Variants in FXYD5 observed in about 807,000 individuals in gnomAD.
FXYD5 encodes FXYD domain-containing ion transport regulator 5.
In FXYD5, 21 loss-of-function variants were observed where a neutral mutation model predicts 25.7. The ratio of observed to expected loss-of-function variants is 0.82; its 90% CI spans 0.58 to 1.18. The LOEUF (loss-of-function observed/expected upper bound fraction) is 1.18, where lower values mean the gene tolerates loss of function less well. FXYD5 is among the 50% of genes most tolerant of loss of function. FXYD5 has a pLI of 0.00. For synonymous variants in FXYD5, 101 were observed against 90.7 expected, an observed-to-expected ratio of 1.11 and a Z score of -0.64; for missense variants, 229 against 227.7, an observed-to-expected ratio of 1.01 and a Z score of -0.04.
Position 35,166,169 on chromosome 19 carries a change from A to G in FXYD5, c.410A>G (p.Tyr137Cys), listed in dbSNP as rs780511480. 4 of 1,613,758 alleles carry G rather than the reference A, an allele frequency of 2.5e-6. No homozygotes were observed. Among genetic ancestry groups the G allele is most frequent in the Middle Eastern group, 1.7e-4 (1 of 6,036 alleles). Residue 137 changes from tyrosine to cysteine, a missense_variant and splice_region_variant, in exon 7 of 9, where the codon TAT (tyrosine) becomes TGT (cysteine). Tyr to Cys is a radical substitution (Grantham distance 194). Transcript: ENST00000392219. ...SGFHEDDPFF[Y>C]DEHTLRKRGL... is the part of the protein sequence containing the mutation. ...TTTCATGAGGATGACCCCTTCTTCT[A>G]TGGTAAGTTATCCACAGGAAGATGT...
At chr19:35,157,354 C>A in intron 2 of FXYD5, 67 bp from the exon 3 acceptor site, 3 of 798,656 alleles carry the variant, frequency 3.8e-6, no homozygotes, top group Non-Finnish European at 6.6e-6. Flanking sequence ...ACCAGGGAGG[C>A]GAGGGCGGGG....
At chr19:35,156,130 A>G (rs754227447) in intron 2 of FXYD5, among the ~76,000 whole-genome samples, 39 of 152,296 alleles carry the variant, frequency 2.6e-4, no homozygotes, top group Admixed American at 9.1e-4. Flanking sequence ...TGCCTCTGAC[A>G]GTCAGTCACA....
intron 4 of FXYD5, chr19:35,159,973 G>A (rs2065390347): frequency 4.8e-6 from 1 of 206,512 alleles, no homozygotes; most frequent in Non-Finnish European, 9.7e-6. Flanking sequence ...TTTGGAGGCT[G>A]AGGCGGGTGG....
chr19:35,168,104 G>T (rs182299713), intron 8 of FXYD5, among the ~76,000 whole-genome samples: 46 of 152,036 alleles, frequency 3.0e-4, no homozygotes, highest in Non-Finnish European at 5.7e-4. Flanking sequence ...GTGAAGGATT[G>T]GACCCAGGTT....
At chr19:35,168,683 C>T (rs2065471960) in intron 8 of FXYD5, among the ~76,000 whole-genome samples, 1 of 152,156 alleles carries the variant, frequency 6.6e-6, no homozygotes, top group African/African-American at 2.4e-5. Context: ...GTCCTCGTAC[C>T]TCAAGGCCTT....
chr19:35,168,052 C>G (rs1233782728), intron 8 of FXYD5, among the ~76,000 whole-genome samples: 6 of 150,782 alleles, frequency 4.0e-5, no homozygotes, highest in African/African-American at 1.5e-4. Context: ...GACCCTATCT[C>G]TACACAAATA....
At position 35,155,621 on chromosome 19, in the gene FXYD5, A is replaced by C. The variant is rs111726915; in HGVS notation, c.61+10A>C. The C allele has an allele frequency of 1.3e-6, 2 of 1,599,992 alleles. No homozygotes were observed. The highest frequency in any genetic ancestry group is 2.2e-5 in the South Asian group (2 of 90,910). ...ATTCTCCCCACCAGAGGTAAGACCC[A>C]TCTCTGGCCTCCACCCTGCCCCAGA... On this transcript the variant is annotated intron_variant, in intron 2 of 8. Coordinates refer to ENST00000392219, the MANE Select transcript of FXYD5 (RefSeq NM_014164.6).
Position 35,158,403 on chromosome 19 carries a change from G to A in FXYD5, c.199+3G>A, listed in dbSNP as rs752100350. On this transcript the variant is annotated splice_donor_region_variant and intron_variant, in intron 4 of 8. Coordinates refer to ENST00000392219, the MANE Select transcript of FXYD5 (RefSeq NM_014164.6). ...AACCCCAACCTGGCCTGCTGATGGTGAGTAGTGCAGGGGCAGGCGGCGGGG... is the reference window on the plus strand; with the variant it reads ...AACCCCAACCTGGCCTGCTGATGGTAAGTAGTGCAGGGGCAGGCGGCGGGG... 60 of 1,573,762 alleles carry A rather than the reference G, an allele frequency of 3.8e-5. No homozygotes were observed. In the Admixed American group the frequency reaches 9.7e-4, roughly 25 times the overall value.
In FXYD5 at chr19:35,157,435, G is replaced by T. The variant is rs1006495750; in HGVS notation, c.76G>T (p.Asp26Tyr). The change falls in exon 3 of 9, where the codon GAT (aspartate) becomes TAT (tyrosine). Residue 26 changes from aspartate (D) to tyrosine (Y), a missense_variant. Physicochemically the swap from Asp to Tyr is radical, Grantham distance 160 (BLOSUM62 -3). Coordinates refer to ENST00000392219, the MANE Select transcript of FXYD5 (RefSeq NM_014164.6). ...TGATTCCCCAGGACAGACGTTGAAAGATACCACGTCCAGTTCTTCAGCAGA... is the reference window on the plus strand; with the variant it reads ...TGATTCCCCAGGACAGACGTTGAAATATACCACGTCCAGTTCTTCAGCAGA... ...ILPTRGQTLK[D>Y]TTSSSSADST... The T allele has an allele frequency of 1.3e-6, 2 of 1,587,248 alleles. No homozygotes were observed. Among genetic ancestry groups the T allele is most frequent in the Non-Finnish European group, 1.7e-6 (2 of 1,155,912 alleles).
intron 2 of FXYD5, chr19:35,157,112 G>T (rs940743819): frequency 8.3e-6 from 2 of 241,206 alleles, no homozygotes; most frequent in African/African-American, 4.6e-5. Context: ...CTTGTTCCAG[G>T]TCACACAGCA....
intron 5 of FXYD5, among the ~76,000 whole-genome samples, chr19:35,163,529 T>A (rs1760023601): frequency 6.6e-6 from 1 of 152,132 alleles, no homozygotes; most frequent in South Asian, 2.1e-4. Flanking sequence ...TTGCCCAGAC[T>A]GGAGTGCAGT....
In FXYD5 at chr19:35,157,453, T is replaced by G; in HGVS notation, c.94T>G (p.Ser32Ala). ...GTTGAAAGATACCACGTCCAGTTCT[T>G]CAGCAGACTCAACTATCATGGACAT... is the stretch of plus-strand genomic sequence containing the variant. ...QTLKDTTSSSSADSTIMDIQV... is the reference protein window; with the variant it reads ...QTLKDTTSSSAADSTIMDIQV... The change falls in exon 3 of 9, where the codon TCA becomes GCA. Residue 32 changes from serine (S) to alanine (A), a missense_variant. Coordinates refer to ENST00000392219, the MANE Select transcript of FXYD5 (RefSeq NM_014164.6). 2 of 1,599,792 alleles carry G rather than the reference T, an allele frequency of 1.3e-6. No individual in the cohort carries two copies. The highest frequency in any genetic ancestry group is 1.7e-5 in the Admixed American group (1 of 59,990).
At chr19:35,169,297 C>T (rs898089964) in intron 8 of FXYD5, among the ~76,000 whole-genome samples, 1 of 152,136 alleles carries the variant, frequency 6.6e-6, no homozygotes, top group Non-Finnish European at 1.5e-5. Context: ...TTGTCCTCAA[C>T]TGTGTTCTTA....
At chr19:35,157,687 G>T in intron 3 of FXYD5, 186 bp downstream of exon 3, 1 of 477,220 alleles carries the variant, frequency 2.1e-6, no homozygotes. Flanking sequence ...TCCACCTCTT[G>T]GTTCTGTTTT....
intron 4 of FXYD5, chr19:35,159,661 T>C: frequency 6.5e-6 from 10 of 1,541,060 alleles, no homozygotes; most frequent in East Asian, 2.5e-5. Flanking sequence ...GTACTGACTA[T>C]GTGCTGGTCA....
chr19:35,161,249 A>ACACACACACACACACACACACACACAC (rs58296906), intron 5 of FXYD5, among the ~76,000 whole-genome samples: 6,557 of 119,912 alleles, frequency 0.055, 396 homozygotes, highest in East Asian at 0.11. Flanking sequence ...CACACACACA[A>ACACACACACACACACACACACACACAC]AAGAATGATT....
At chr19:35,156,898 G>A in intron 2 of FXYD5, 1 of 154,478 alleles carries the variant, frequency 6.5e-6, no homozygotes, top group Non-Finnish European at 1.4e-5. Flanking sequence ...GAAGGAGGCT[G>A]CTGGGATGTC....
intron 6 of FXYD5, among the ~76,000 whole-genome samples, chr19:35,164,951 T>A (rs1169865519): frequency 3.3e-5 from 5 of 152,318 alleles, no homozygotes; most frequent in African/African-American, 1.2e-4. Flanking sequence ...ACAGGTTGAG[T>A]ATTCCTTATC....
chr19:35,166,696 G>T, intron 8 of FXYD5: 1 of 339,374 alleles, frequency 2.9e-6, no homozygotes, highest in Non-Finnish European at 5.3e-6. Context: ...TGGTGGCAGG[G>T]ATCTAAGATA....
Sources: gnomAD v4.1 joint callset for allele counts (sites outside exome capture counted in the v4.1 genomes callset) on GRCh38, gnomAD v4.1.1 for gene constraint, MANE v1.5 for transcripts, NCBI Gene and HGNC (gene_info 2026-07-23, HGNC 2026-07-21) for gene names.